Variants in CABLES2 observed in about 807,000 individuals in gnomAD.
CABLES2 encodes CDK5 and ABL1 enzyme substrate 2.
In CABLES2, 35 loss-of-function variants were observed where a neutral mutation model predicts 44.8. That is an observed-to-expected ratio of 0.78 (90% CI 0.60 to 1.04). The LOEUF is 1.04. CABLES2 is among the 50% of genes least tolerant of loss of function. The pLI, the probability that CABLES2 is intolerant of heterozygous loss-of-function variation, is 0.00. For missense variants in CABLES2, 566 were observed against 615.7 expected (o/e 0.92, Z 0.85); for synonymous variants, 282 against 281.1 (o/e 1.00, Z -0.03).
At position 62,391,088 on chromosome 20, in the gene CABLES2, G is replaced by C; in HGVS notation, c.1320C>G (p.Phe440Leu). 6.2e-7 allele frequency: 1 copy of C among 1,614,106 alleles called. No individual in the cohort carries two copies. The change falls in exon 10 of 10, where the codon TTC (phenylalanine) becomes TTG (leucine). Residue 440 changes from phenylalanine (F) to leucine (L), a missense_variant. By Grantham distance (22) the Phe-to-Leu change is conservative (BLOSUM62 0). This residue lies in a region of CABLES2 where 436 missense variants were observed against 536.3 expected (regional missense o/e 0.81). Transcript: ENST00000279101. This position sits in a 1 kb window ranked among gnomAD's most constrained non-coding sequence, Gnocchi z 5.7. Reference sequence around the variant, plus strand: ...CAAACCCTATCAGGTCGCGCCTGTTGAATCGAAACCTTTCTTCTAACTTCT... The same window carrying C: ...CAAACCCTATCAGGTCGCGCCTGTTCAATCGAAACCTTTCTTCTAACTTCT... ...LIDKLEERFRFNRRDLIGFEF... is the reference protein window; with the variant it reads ...LIDKLEERFRLNRRDLIGFEF...
In CABLES2 at chr20:62,390,709, A is replaced by C. The variant is rs754325274; in HGVS notation, c.*262T>G. On this transcript the variant is annotated 3_prime_UTR_variant, in exon 10 of 10. Coordinates refer to ENST00000279101, the MANE Select transcript of CABLES2 (RefSeq NM_031215.3). Reference sequence around the variant, plus strand: ...GGCACGTGAAAAAAATACCAGTAACAAACCTCACATTTAGTTTATGTAAAA... The same window carrying C: ...GGCACGTGAAAAAAATACCAGTAACCAACCTCACATTTAGTTTATGTAAAA... The C allele has an allele frequency of 7.9e-6, 4 of 507,390 alleles. No homozygotes were observed. Among genetic ancestry groups the C allele is most frequent in the Non-Finnish European group, 1.4e-5 (4 of 281,162 alleles). The allele number at this position is 507,390 out of a possible 1,614,324, so 31.4% of individuals were successfully genotyped here.
At chr20:62,406,111 C>T (rs1009989075) in intron 1 of CABLES2, among the ~76,000 whole-genome samples, 5 of 152,022 alleles carry the variant, frequency 3.3e-5, no homozygotes, top group Admixed American at 2.0e-4. Flanking sequence ...CCAAAGATAC[C>T]GAGCTGAGAG....
In CABLES2 at chr20:62,398,249, A is replaced by ATGGTGG. The variant is rs566172995; in HGVS notation, c.363-1663_363-1658dup. ...GGTGGTGACGGTGGTGATGATGGTG[A>ATGGTGG]TGGTGGTGGTGATGGTGATGGCGGT... On this transcript the variant is annotated intron_variant, in intron 1 of 9. Transcript: ENST00000279101. Among the ~76,000 whole-genome samples, 3 of 59,826 alleles carry ATGGTGG rather than the reference A, an allele frequency of 5.0e-5. 1 individual carries two copies. Among genetic ancestry groups the ATGGTGG allele is most frequent in the Admixed American group, 4.8e-4 (3 of 6,192 alleles). The allele number at this position is 59,826 out of a possible 152,430, so 39.2% of individuals were successfully genotyped here. A position where few individuals can be genotyped will look rare whatever the true frequency, so the allele number is the denominator to read the frequency against.
Position 62,390,781 on chromosome 20 carries a change from G to C in CABLES2, c.*190C>G, listed in dbSNP as rs1418510631. ...TCCCCTCGGAGGGACGGTGCACTTG[G>C]GGATGAAAGCGACGTCTCTTTCCAA... On this transcript the variant is annotated 3_prime_UTR_variant, in exon 10 of 10. Transcript: ENST00000279101. 1 of 617,606 alleles carries C rather than the reference G, an allele frequency of 1.6e-6. No individual in the cohort carries two copies. The highest frequency in any genetic ancestry group is 2.9e-5 in the Admixed American group (1 of 34,034). The allele number at this position is 617,606 out of a possible 1,614,324, so 38.3% of individuals were successfully genotyped here.
chr20:62,398,088 ACGGTGGTGG>A (rs1988085930), intron 1 of CABLES2, among the ~76,000 whole-genome samples: 6 of 52,152 alleles, frequency 1.2e-4, no homozygotes, highest in East Asian at 1.3e-3. Flanking sequence ...GGTGGTGGTG[ACGGTGGTGG>A]TGGTGGTGAT....
chr20:62,395,261 G>A (rs1455364288), intron 3 of CABLES2, among the ~76,000 whole-genome samples: 2 of 152,206 alleles, frequency 1.3e-5, no homozygotes, highest in Non-Finnish European at 1.5e-5. Flanking sequence ...TCCCTGGGAC[G>A]CCGCTGCACG....
chr20:62,401,317 G>A (rs1480478953), intron 1 of CABLES2, among the ~76,000 whole-genome samples: 4 of 152,250 alleles, frequency 2.6e-5, no homozygotes, highest in East Asian at 3.9e-4. Context: ...CTGCCTCCAC[G>A]GGAGCTGGTG....
chr20:62,393,755 C>A, intron 5 of CABLES2, 150 bp from the exon 6 acceptor site: 1 of 771,284 alleles, frequency 1.3e-6, no homozygotes, highest in Non-Finnish European at 2.0e-6. Context: ...GAGGCTGCGT[C>A]TGAGCTAGAC....
intron 4 of CABLES2, 125 bp from the exon 5 acceptor site, chr20:62,394,390 A>G (rs1248689471): frequency 2.8e-6 from 2 of 721,672 alleles, no homozygotes; most frequent in Admixed American, 2.3e-5. Context: ...CTCGGGAAAG[A>G]AAGGCGGCAC....
chr20:62,391,120 G>C lies in CABLES2; in HGVS notation c.1297-9C>G, dbSNP rs757625282. On this transcript the variant is annotated splice_polypyrimidine_tract_variant and intron_variant, in intron 9 of 9. Coordinates refer to ENST00000279101, the MANE Select transcript of CABLES2 (RefSeq NM_031215.3). The surrounding 1 kb of genome is among the most constrained non-coding windows in gnomAD (Gnocchi z 5.7). ...AACCTTTCTTCTAACTTCTGCAGGG[G>C]AGAAGAGAGAAGGGTTACACGGGAG... 1.2e-6 allele frequency: 2 copies of C among 1,613,814 alleles called. No individual in the cohort carries two copies. Among genetic ancestry groups the C allele is most frequent in the Admixed American group, 1.7e-5 (1 of 60,026 alleles).
At chr20:62,398,097 G>GTGATGGCGA (rs1988088338) in intron 1 of CABLES2, among the ~76,000 whole-genome samples, 1 of 139,566 alleles carries the variant, frequency 7.2e-6, no homozygotes, top group Non-Finnish European at 1.6e-5. Context: ...GACGGTGGTG[G>GTGATGGCGA]TGGTGGTGAT....
In CABLES2 at chr20:62,390,912, G is replaced by C; in HGVS notation, c.*59C>G. The stretch of plus-strand genomic sequence containing the variant: ...CAGGAGGAGGCGCGGGGCTTCAGTG[G>C]GACACCTCCCAGGCCGGCAAGTGCA... On this transcript the variant is annotated 3_prime_UTR_variant, in exon 10 of 10. Coordinates refer to ENST00000279101, the MANE Select transcript of CABLES2 (RefSeq NM_031215.3). 6.3e-7 allele frequency: 1 copy of C among 1,597,198 alleles called. No homozygotes were observed. Among genetic ancestry groups the C allele is most frequent in the South Asian group, 1.1e-5 (1 of 90,820 alleles).
chr20:62,392,937 T>G lies in CABLES2; in HGVS notation c.967A>C (p.Ile323Leu). The G allele has an allele frequency of 6.2e-7, 1 of 1,613,980 alleles. No homozygotes were observed. Among genetic ancestry groups the G allele is most frequent in the Non-Finnish European group, 8.5e-7 (1 of 1,179,986 alleles). ...WPCGKHKRVL[I>L]FASYMTTVIE... ...GCACTCACCATGTACGACGCAAAGA[T>G]GAGGACACGTTTGTGCTTGCCGCAG... is the stretch of plus-strand genomic sequence containing the variant. The change falls in exon 7 of 10, where the codon ATC (isoleucine) becomes CTC (leucine). Residue 323 changes from isoleucine (I) to leucine (L), a missense_variant. By Grantham distance (5) the Ile-to-Leu change is conservative (BLOSUM62 2). This residue lies in a region of CABLES2 where 436 missense variants were observed against 536.3 expected (regional missense o/e 0.81). Coordinates refer to ENST00000279101, the MANE Select transcript of CABLES2 (RefSeq NM_031215.3).
chr20:62,398,945 T>A (rs1988136680), intron 1 of CABLES2, among the ~76,000 whole-genome samples: 1 of 152,254 alleles, frequency 6.6e-6, no homozygotes, highest in Non-Finnish European at 1.5e-5. Flanking sequence ...ACATTGATGC[T>A]GTCATTTTTT....
chr20:62,407,193 G>C lies in CABLES2; in HGVS notation c.84C>G (p.Ala28=). 1.0e-6 allele frequency: 1 copy of C among 985,724 alleles called. No homozygotes were observed. Among genetic ancestry groups the C allele is most frequent in the South Asian group, 4.6e-5 (1 of 21,860 alleles). The allele number at this position is 985,724 out of a possible 1,614,324, so 61.1% of individuals were successfully genotyped here. ...GPPPPAAPTS[A]ARAPPQALRR... ...GCAGCGCCTGCGGCGGGGCCCGAGCGGCCGAGGTCGGCGCGGCGGGTGGCG... is the reference window on the plus strand; with the variant it reads ...GCAGCGCCTGCGGCGGGGCCCGAGCCGCCGAGGTCGGCGCGGCGGGTGGCG... Residue 28 remains alanine, a synonymous_variant, in exon 1 of 10, where the codon GCC becomes GCG. Transcript: ENST00000279101.
chr20:62,392,498 G>A lies in CABLES2; in HGVS notation c.985-3C>T, dbSNP rs1223003720. 6.2e-7 allele frequency: 1 copy of A among 1,610,524 alleles called. No homozygotes were observed. The highest frequency in any genetic ancestry group is 1.1e-5 in the South Asian group (1 of 91,022). ...TTCACGTATTCTATCACTGTGGTCT[G>A]CAACAGAGAGTGGGCAGGGTTGGGC... On this transcript the variant is annotated splice_polypyrimidine_tract_variant and splice_region_variant and intron_variant, in intron 7 of 9. Transcript: ENST00000279101.
intron 5 of CABLES2, among the ~76,000 whole-genome samples, 185 bp downstream of exon 5, chr20:62,393,972 G>C (rs1297171895): frequency 6.6e-6 from 1 of 152,190 alleles, no homozygotes; most frequent in African/African-American, 2.4e-5. Flanking sequence ...GCCAGGCGGG[G>C]GAGTCCGACG....
At chr20:62,398,202 G>GTGGTGGTGATGGTGA (rs1569017876) in intron 1 of CABLES2, among the ~76,000 whole-genome samples, 1 of 112,556 alleles carries the variant, frequency 8.9e-6, no homozygotes, top group Non-Finnish European at 1.9e-5. Context: ...GATGATGGTG[G>GTGGTGGTGATGGTGA]TGATGGTGAT....
chr20:62,401,108 G>A (rs1988179705), intron 1 of CABLES2, among the ~76,000 whole-genome samples: 1 of 152,144 alleles, frequency 6.6e-6, no homozygotes, highest in Non-Finnish European at 1.5e-5. Context: ...CAGTGGCGCC[G>A]CTCCCACTGT....
Sources: allele counts gnomAD v4.1 joint callset (sites outside exome capture counted in the v4.1 genomes callset), GRCh38; gene constraint gnomAD v4.1.1; regional missense constraint gnomAD v4.1.1; non-coding constraint Gnocchi (gnomAD v3.1); transcripts MANE v1.5; gene names NCBI Gene and HGNC (gene_info 2026-07-23, HGNC 2026-07-21).